SGCZ: variants seen among roughly 807,000 people sequenced by gnomAD.
The protein encoded by SGCZ is sarcoglycan zeta.
In SGCZ, 40 loss-of-function variants were observed where a neutral mutation model predicts 41.3. That is an observed-to-expected ratio of 0.97 (90% CI 0.75 to 1.26). The LOEUF is 1.26. SGCZ is among the 50% of genes most tolerant of loss of function. The pLI is 0.00. For synonymous variants in SGCZ, 206 were observed against 137.5 expected, an observed-to-expected ratio of 1.50 and a Z score of -3.49; for missense variants, 552 against 369.8, an observed-to-expected ratio of 1.49 and a Z score of -4.04.
intron 2 of SGCZ, among the ~76,000 whole-genome samples, chr8:14,493,316 C>A (rs1335415990): frequency 7.3e-6 from 1 of 136,366 alleles, no homozygotes; most frequent in Non-Finnish European, 1.6e-5. Flanking sequence ...GTCTTCTGGA[C>A]TTTGGTCTTC....
intron 1 of SGCZ, among the ~76,000 whole-genome samples, chr8:14,722,585 A>C (rs1321796842): frequency 6.6e-6 from 1 of 152,062 alleles, no homozygotes; most frequent in Non-Finnish European, 1.5e-5. Context: ...TGGGAGAAAA[A>C]GGAAAACACA....
chr8:14,599,346 T>C (rs574203271), intron 1 of SGCZ, among the ~76,000 whole-genome samples: 58 of 152,280 alleles, frequency 3.8e-4, no homozygotes, highest in East Asian at 9.7e-4. Flanking sequence ...TTTTTTTGTA[T>C]TCACTTGTCA....
At chr8:14,922,882 T>C (rs1799632779) in intron 1 of SGCZ, among the ~76,000 whole-genome samples, 1 of 152,212 alleles carries the variant, frequency 6.6e-6, no homozygotes. Context: ...TTAGGAGAAT[T>C]ATATTCCACT....
intron 2 of SGCZ, among the ~76,000 whole-genome samples, chr8:14,409,603 T>C (rs1238578042): frequency 6.6e-6 from 1 of 152,160 alleles, no homozygotes; most frequent in African/African-American, 2.4e-5. Context: ...AAAATTTGCA[T>C]TAATTATATT....
chr8:14,199,374 A>G (rs1400541102), intron 4 of SGCZ, among the ~76,000 whole-genome samples: 1 of 152,188 alleles, frequency 6.6e-6, no homozygotes, highest in East Asian at 1.9e-4. Context: ...CTGTCTCCTG[A>G]TAAGATGTTA....
chr8:14,674,270 A>T (rs1808201758), intron 1 of SGCZ, among the ~76,000 whole-genome samples: 2 of 152,238 alleles, frequency 1.3e-5, no homozygotes, highest in Admixed American at 6.5e-5. Flanking sequence ...ACACCAACGT[A>T]AAACCTTAAT....
chr8:14,575,741 T>C (rs1804687687), intron 1 of SGCZ, among the ~76,000 whole-genome samples: 1 of 151,666 alleles, frequency 6.6e-6, no homozygotes, highest in Admixed American at 6.6e-5. Context: ...ACCCCATCTC[T>C]ACTAAATGCA....
chr8:14,344,927 T>C (rs1323794737), intron 2 of SGCZ, among the ~76,000 whole-genome samples: 1 of 152,116 alleles, frequency 6.6e-6, no homozygotes, highest in African/African-American at 2.4e-5. Flanking sequence ...AGTGGATTTC[T>C]ACGATACAAC....
intron 1 of SGCZ, among the ~76,000 whole-genome samples, chr8:14,771,674 C>T (rs984185239): frequency 5.3e-5 from 8 of 151,926 alleles, no homozygotes; most frequent in African/African-American, 1.9e-4. Flanking sequence ...AATTTGTTTG[C>T]AATCAAATAC....
chr8:14,959,588 C>G (rs10098188), intron 1 of SGCZ, among the ~76,000 whole-genome samples: 59,241 of 151,900 alleles, frequency 0.39, 11,709 homozygotes, highest in East Asian at 0.5. Flanking sequence ...TGGGCTTTTT[C>G]GTTCTTCTCA....
intron 5 of SGCZ, among the ~76,000 whole-genome samples, chr8:14,137,217 G>A (rs1412552647): frequency 1.3e-5 from 2 of 152,186 alleles, no homozygotes; most frequent in East Asian, 1.9e-4. Context: ...CTACAAAGAT[G>A]GGGAGAAACC....
chr8:14,321,428 T>TC (rs1475070719), intron 3 of SGCZ, among the ~76,000 whole-genome samples: 3 of 152,154 alleles, frequency 2.0e-5, no homozygotes, highest in Middle Eastern at 3.4e-3. Flanking sequence ...GCCCAGCCCA[T>TC]AGTTGATTAG....
chr8:14,185,525 C>A (rs1249198695), intron 4 of SGCZ, among the ~76,000 whole-genome samples: 1 of 152,094 alleles, frequency 6.6e-6, no homozygotes, highest in East Asian at 1.9e-4. Flanking sequence ...TCAGTGGCTT[C>A]AGACCTCATT....
intron 1 of SGCZ, among the ~76,000 whole-genome samples, chr8:14,628,790 A>G (rs1340749764): frequency 2.6e-5 from 4 of 152,158 alleles, no homozygotes; most frequent in Non-Finnish European, 5.9e-5. Flanking sequence ...TCCTGTAAAT[A>G]TGCAAACTTC....
At chr8:14,792,190 T>G (rs565191969) in intron 1 of SGCZ, among the ~76,000 whole-genome samples, 8 of 152,314 alleles carry the variant, frequency 5.3e-5, no homozygotes, top group African/African-American at 1.9e-4. Context: ...ACATTACCCA[T>G]GAAGTGTCAC....
chr8:14,261,779 T>C (rs1799676294), intron 3 of SGCZ, among the ~76,000 whole-genome samples: 2 of 152,146 alleles, frequency 1.3e-5, no homozygotes, highest in Admixed American at 6.5e-5. Flanking sequence ...CAATAAATTA[T>C]TCCATTTCAT....
intron 1 of SGCZ, among the ~76,000 whole-genome samples, chr8:14,597,294 T>C (rs1351875623): frequency 1.3e-5 from 2 of 152,180 alleles, no homozygotes; most frequent in East Asian, 3.9e-4. Context: ...AAGTCCTATA[T>C]GGAGGGCATA....
intron 2 of SGCZ, among the ~76,000 whole-genome samples, chr8:14,506,264 A>G (rs1292132711): frequency 6.6e-6 from 1 of 152,122 alleles, no homozygotes; most frequent in Non-Finnish European, 1.5e-5. Context: ...TTTGTGCAGC[A>G]TGGAAAACTT....
chr8:15,164,280 C>A (rs1799591331), intron 1 of SGCZ, among the ~76,000 whole-genome samples: 1 of 152,138 alleles, frequency 6.6e-6, no homozygotes, highest in East Asian at 1.9e-4. Flanking sequence ...GCCTTTTCAA[C>A]CTCAGAATCC....
Sources: gnomAD v4.1 joint callset for allele counts (sites outside exome capture counted in the v4.1 genomes callset) on GRCh38, gnomAD v4.1.1 for gene constraint, MANE v1.5 for transcripts, NCBI Gene and HGNC (gene_info 2026-07-23, HGNC 2026-07-21) for gene names.